The following SYNE1 variants were observed in gnomAD, a reference collection of about 807,000 sequenced individuals.
SYNE1 encodes nesprin-1.
In SYNE1, 616 loss-of-function variants were observed where a neutral mutation model predicts 1,111.0. The ratio of observed to expected loss-of-function variants is 0.55; its 90% CI spans 0.52 to 0.59. SYNE1 has a LOEUF of 0.59. SYNE1 is among the 20% of genes least tolerant of loss of function. SYNE1 has a pLI of 0.00. For synonymous variants in SYNE1, 3,855 were observed against 3,825.8 expected, an observed-to-expected ratio of 1.01 and a Z score of -0.28; for missense variants, 10,006 against 10,417.0, an observed-to-expected ratio of 0.96 and a Z score of 1.72.
intron 137 of SYNE1, chr6:152,145,261 T>C: frequency 1.7e-6 from 1 of 586,224 alleles, no homozygotes; most frequent in South Asian, 1.9e-5. Flanking sequence ...ATGAGACCAA[T>C]CACCATTTAA....
chr6:152,239,818 G>A, intron 107 of SYNE1, 112 bp from the exon 108 acceptor site: 1 of 1,157,666 alleles, frequency 8.6e-7, no homozygotes, highest in Non-Finnish European at 1.3e-6. Context: ...CAACAGTTGG[G>A]GAGGCTGAAG....
Position 152,371,920 on chromosome 6 carries a change from A to AAGGAC in SYNE1, c.9507+1112_9507+1116dup, listed in dbSNP as rs773724652. Among the ~76,000 whole-genome samples, 8 of 49,022 alleles carry AAGGAC rather than the reference A, an allele frequency of 1.6e-4. 1 individual carries two copies. Among genetic ancestry groups the AAGGAC allele is most frequent in the African/African-American group, 3.5e-4 (5 of 14,192 alleles). 32.2% of individuals were successfully genotyped at this position (49,022 alleles called of 152,430 possible). On this transcript the variant is annotated intron_variant, in intron 59 of 145. Coordinates refer to ENST00000367255, the MANE Select transcript of SYNE1 (RefSeq NM_182961.4). ...AAGGAAAGGAAAGGAAAGGAAAGGAAAGGACAGGACAGGACAGGAAAGGAA... is the reference window on the plus strand; with the variant it reads ...AAGGAAAGGAAAGGAAAGGAAAGGAAAGGACAGGACAGGACAGGACAGGAAAGGAA...
intron 101 of SYNE1, among the ~76,000 whole-genome samples, chr6:152,257,112 G>A (rs911263000): frequency 5.3e-5 from 8 of 152,164 alleles, no homozygotes; most frequent in East Asian, 1.9e-4. Flanking sequence ...TGTCTCTACC[G>A]CAAAGAAGTG....
At chr6:152,447,863 TTATAGA>T (rs1312996301) in intron 28 of SYNE1, among the ~76,000 whole-genome samples, 1 of 152,236 alleles carries the variant, frequency 6.6e-6, no homozygotes, top group Non-Finnish European at 1.5e-5. Flanking sequence ...GGTTAGATAC[TTATAGA>T]TATGTCCTTG....
Position 152,244,473 on chromosome 6 carries a change from A to AT in SYNE1, c.19692+63dup, listed in dbSNP as rs1441855564. On this transcript the variant is annotated intron_variant, in intron 106 of 145. Coordinates refer to ENST00000367255, the MANE Select transcript of SYNE1 (RefSeq NM_182961.4). ...AAAGAAAGCCAAGAAAAATAAAGTGATTTTTTCTAGACTTCAAGTTTGATG... is the reference window on the plus strand; with the variant it reads ...AAAGAAAGCCAAGAAAAATAAAGTGATTTTTTTCTAGACTTCAAGTTTGATG... The AT allele has an allele frequency of 6.0e-5, 96 of 1,611,578 alleles. 1 individual carries two copies. The Middle Eastern group carries it at 1.7e-3, about 28-fold the overall frequency.
chr6:152,506,770 A>G (rs986117584), intron 8 of SYNE1, among the ~76,000 whole-genome samples: 1 of 152,134 alleles, frequency 6.6e-6, no homozygotes, highest in Non-Finnish European at 1.5e-5. Context: ...ATTTTGTATT[A>G]TTCATCATGT....
chr6:152,407,784 C>T lies in SYNE1; in HGVS notation c.6541-588G>A, dbSNP rs112403368. On this transcript the variant is annotated intron_variant, in intron 44 of 145. Transcript: ENST00000367255. Reference sequence around the variant, plus strand: ...GTTCTTTTTTTTTTTTTTTTTGAGACGGAATCTCACTCTGTTTCCCAGGCT... The same window carrying T: ...GTTCTTTTTTTTTTTTTTTTTGAGATGGAATCTCACTCTGTTTCCCAGGCT... Among the ~76,000 whole-genome samples, 935 of 131,410 alleles carry T rather than the reference C, an allele frequency of 7.1e-3. 12 individuals carry two copies. The highest frequency in any genetic ancestry group is 0.025 in the African/African-American group (834 of 33,768). 86.2% of individuals were successfully genotyped at this position (131,410 alleles called of 152,430 possible). A position where few individuals can be genotyped will look rare whatever the true frequency, so the allele number is the denominator to read the frequency against.
Position 152,436,098 on chromosome 6 carries a change from A to T in SYNE1, c.4153T>A (p.Phe1385Ile). 6.2e-7 allele frequency: 1 copy of T among 1,613,226 alleles called. No individual in the cohort carries two copies. Among genetic ancestry groups the T allele is most frequent in the Non-Finnish European group, 8.5e-7 (1 of 1,179,854 alleles). ...LSSELEQTKE[F>I]SKRTESIAVQ... is the part of the protein sequence containing the mutation. ...GCAATACTTTCTGTCCGTTTAGAAA[A>T]CTCCTAGAAAAAATATTATGATCAT... Residue 1385 changes from phenylalanine (F) to isoleucine (I), a missense_variant, in exon 33 of 146, where the codon TTT becomes ATT. By Grantham distance (21) the Phe-to-Ile change is conservative. Transcript: ENST00000367255.
chr6:152,568,666 A>G (rs1013425604), intron 3 of SYNE1, among the ~76,000 whole-genome samples: 2 of 152,026 alleles, frequency 1.3e-5, no homozygotes, highest in Non-Finnish European at 2.9e-5. Flanking sequence ...GTGGCTATTC[A>G]TGGGTGCAAT....
At chr6:152,623,395 T>G (rs2099679680) in intron 3 of SYNE1, among the ~76,000 whole-genome samples, 1 of 152,052 alleles carries the variant, frequency 6.6e-6, no homozygotes, top group African/African-American at 2.4e-5. Context: ...AAGACTAAAA[T>G]GTAAAACACA....
intron 14 of SYNE1, among the ~76,000 whole-genome samples, chr6:152,475,396 C>T (rs775698028): frequency 6.6e-6 from 1 of 152,150 alleles, no homozygotes; most frequent in East Asian, 1.9e-4. Context: ...CATTAGCCTA[C>T]AATTTGGCAA....
At chr6:152,365,192 C>A (rs550998554) in intron 62 of SYNE1, among the ~76,000 whole-genome samples, 173 bp from the exon 63 acceptor site, 1 of 152,278 alleles carries the variant, frequency 6.6e-6, no homozygotes, top group Non-Finnish European at 1.5e-5. Flanking sequence ...ATGCCAGTCA[C>A]CAGCTACCCG....
At chr6:152,198,122 A>G (rs923169788) in intron 127 of SYNE1, among the ~76,000 whole-genome samples, 1 of 152,154 alleles carries the variant, frequency 6.6e-6, no homozygotes, top group Non-Finnish European at 1.5e-5. Context: ...ACTTCCATCA[A>G]TGATCTTAGC....
intron 40 of SYNE1, among the ~76,000 whole-genome samples, chr6:152,417,369 G>A (rs1047559560): frequency 6.6e-6 from 1 of 152,046 alleles, no homozygotes; most frequent in Non-Finnish European, 1.5e-5. Flanking sequence ...GTGGTGGTGG[G>A]CGCCTGTAGT....
chr6:152,578,970 T>C (rs1332257568), intron 3 of SYNE1, among the ~76,000 whole-genome samples: 1 of 152,258 alleles, frequency 6.6e-6, no homozygotes, highest in Non-Finnish European at 1.5e-5. Context: ...TTTGACTTCA[T>C]ATGGCTATAA....
intron 102 of SYNE1, 132 bp downstream of exon 102, chr6:152,256,502 C>T (rs1452037404): frequency 3.8e-6 from 4 of 1,050,668 alleles, no homozygotes; most frequent in East Asian, 2.8e-5. Context: ...ATCTTTGTTT[C>T]AGCGCTTATC....
intron 3 of SYNE1, among the ~76,000 whole-genome samples, chr6:152,572,207 G>A (rs1314198531): frequency 6.6e-6 from 1 of 152,120 alleles, no homozygotes; most frequent in African/African-American, 2.4e-5. Flanking sequence ...CTGTAATGAA[G>A]TGTAACAATT....
At chr6:152,347,965 C>T (rs141744373) in intron 72 of SYNE1, among the ~76,000 whole-genome samples, 4,028 of 151,922 alleles carry the variant, frequency 0.027, 191 homozygotes, top group African/African-American at 0.091. Flanking sequence ...GCTTGGATTA[C>T]AAGTGTGAGC....
At position 152,409,057 on chromosome 6, in the gene SYNE1, G is replaced by A. The variant is rs765474841; in HGVS notation, c.6540+11C>T. On this transcript the variant is annotated intron_variant, in intron 44 of 145. Coordinates refer to ENST00000367255, the MANE Select transcript of SYNE1 (RefSeq NM_182961.4). The stretch of plus-strand genomic sequence containing the variant: ...TTAAATAGTTCACAGAATCCCAGGT[G>A]ATTATCTTACATCCAGCCATTTGTC... The A allele has an allele frequency of 1.9e-6, 3 of 1,613,318 alleles. No homozygotes were observed. The Admixed American group carries it at 5.0e-5, about 27-fold the overall frequency.
Sources: gnomAD v4.1 joint callset for allele counts (sites outside exome capture counted in the v4.1 genomes callset) on GRCh38, gnomAD v4.1.1 for gene constraint, MANE v1.5 for transcripts, NCBI Gene and HGNC (gene_info 2026-07-23, HGNC 2026-07-21) for gene names.